CEP152: variants seen among roughly 807,000 people sequenced by gnomAD.
The protein encoded by CEP152 is centrosomal protein of 152 kDa.
In CEP152, 132 loss-of-function variants were observed where a neutral mutation model predicts 188.9. The ratio of observed to expected loss-of-function variants is 0.70; its 90% CI spans 0.61 to 0.81. The LOEUF (loss-of-function observed/expected upper bound fraction) is 0.81, where lower values mean the gene tolerates loss of function less well. Ranked by LOEUF, CEP152 falls within the 30% of genes least tolerant of loss-of-function variation. CEP152 has a pLI of 0.00. For synonymous variants in CEP152, 649 were observed against 666.6 expected (o/e 0.97, Z 0.41); for missense variants, 1,914 against 1,969.8 (o/e 0.97, Z 0.54).
At chr15:48,802,801 T>C (rs940866849) in intron 2 of CEP152, among the ~76,000 whole-genome samples, 3 of 152,106 alleles carry the variant, frequency 2.0e-5, no homozygotes, top group Non-Finnish European at 2.9e-5. Flanking sequence ...AGAATAGAAA[T>C]GGAAAAAGCA....
intron 19 of CEP152, 55 bp from the exon 20 acceptor site, chr15:48,756,608 A>C: frequency 6.5e-7 from 1 of 1,541,588 alleles, no homozygotes; most frequent in Non-Finnish European, 8.8e-7. Flanking sequence ...CCTCCTTCGC[A>C]AAAAAATTAA....
rs1896453808 is a variant in CEP152 at position 48,784,017 on chromosome 15, C to CT, written c.1276dup (p.Ser426LysfsTer55). ...ACACTGCTTTTGACTCTCCTCTAGA[C>CT]TTCTTGTCAACTTATTAATGATCTC... On this transcript the variant is annotated frameshift_variant, in exon 10 of 27. Coordinates refer to ENST00000380950, the MANE Select transcript of CEP152 (RefSeq NM_001194998.2). LOFTEE classifies it high-confidence loss of function. 2 of 1,613,774 alleles carry CT rather than the reference C, an allele frequency of 1.2e-6. No individual in the cohort carries two copies. Among genetic ancestry groups the CT allele is most frequent in the Non-Finnish European group, 1.7e-6 (2 of 1,179,896 alleles).
At chr15:48,796,414 T>C (rs1396408679) in intron 5 of CEP152, among the ~76,000 whole-genome samples, 1 of 152,126 alleles carries the variant, frequency 6.6e-6, no homozygotes, top group Non-Finnish European at 1.5e-5. Context: ...ACCTAAATTC[T>C]ACTTTTGAGC....
rs1898305697 is a variant in CEP152, at chr15:48,811,035, C to CA, written c.-83_-82insT. 6.6e-6 allele frequency: 1 copy of CA among 152,416 alleles called. No individual in the cohort carries two copies. The highest frequency in any genetic ancestry group is 1.5e-5 in the Non-Finnish European group (1 of 68,188). 9.4% of individuals were successfully genotyped at this position (152,416 alleles called of 1,614,324 possible). On this transcript the variant is annotated 5_prime_UTR_variant, in exon 1 of 27. Transcript: ENST00000380950. Reference sequence around the variant, plus strand: ...GACCAACTTCTAGCAGATCCCCTTACCCTGGCTCTAGTCCACTAGCTCCTT... The same window carrying CA: ...GACCAACTTCTAGCAGATCCCCTTACACCTGGCTCTAGTCCACTAGCTCCTT...
intron 11 of CEP152, 36 bp from the exon 12 acceptor site, chr15:48,781,395 T>C (rs201484713): frequency 6.5e-7 from 1 of 1,530,868 alleles, no homozygotes; most frequent in South Asian, 1.1e-5. Context: ...ATTTTCACTA[T>C]TTTCCTATAT....
At chr15:48,742,473 T>C (rs996943646) in intron 24 of CEP152, among the ~76,000 whole-genome samples, 7 of 151,940 alleles carry the variant, frequency 4.6e-5, no homozygotes, top group African/African-American at 1.7e-4. Context: ...AAATAAAATA[T>C]AGAGAAAAGG....
intron 9 of CEP152, among the ~76,000 whole-genome samples, chr15:48,786,511 A>C (rs1168158877): frequency 6.6e-6 from 1 of 152,224 alleles, no homozygotes; most frequent in African/African-American, 2.4e-5. Context: ...TACTAATTAC[A>C]GACATTTTGT....
chr15:48,765,037 GAGA>G (rs1894959855), intron 17 of CEP152, among the ~76,000 whole-genome samples: 1 of 151,432 alleles, frequency 6.6e-6, no homozygotes, highest in South Asian at 2.1e-4. Context: ...TGAAAAATGT[GAGA>G]AGATTAGACA....
chr15:48,795,491 A>G (rs927832400), intron 6 of CEP152, among the ~76,000 whole-genome samples: 5 of 152,206 alleles, frequency 3.3e-5, no homozygotes, highest in African/African-American at 1.2e-4. Flanking sequence ...AAAAATATAT[A>G]AAGTTCATAA....
At position 48,767,148 on chromosome 15, in the gene CEP152, T is replaced by A; in HGVS notation, c.2192A>T (p.Glu731Val). The A allele has an allele frequency of 6.2e-7, 1 of 1,613,846 alleles. No individual in the cohort carries two copies. The highest frequency in any genetic ancestry group is 8.5e-7 in the Non-Finnish European group (1 of 1,180,016). Residue 731 changes from glutamate to valine, a missense_variant, in exon 17 of 27, where the codon GAA becomes GTA. Glu to Val is a moderately radical substitution (Grantham distance 121). Coordinates refer to ENST00000380950, the MANE Select transcript of CEP152 (RefSeq NM_001194998.2). ...CTCTCTGCACACTTCTAGGTAACAT[T>A]CCTGCACAGCAGTCACCTCCTTATT... ...KLNKEVTAVQ[E>V]CYLEVCREKD...
chr15:48,798,760 G>C (rs1897489263), intron 2 of CEP152, among the ~76,000 whole-genome samples: 1 of 152,028 alleles, frequency 6.6e-6, no homozygotes, highest in South Asian at 2.1e-4. Context: ...ATCAGTTTTA[G>C]CATTCTGCTT....
rs1595616088 is a variant in CEP152, at chr15:48,756,428, T to C, written c.2820A>G (p.Leu940=). The change falls in exon 20 of 27, where the codon TTA becomes TTG. Residue 940 remains leucine, a synonymous_variant. Coordinates refer to ENST00000380950, the MANE Select transcript of CEP152 (RefSeq NM_001194998.2). The part of the protein sequence containing the change: ...KIHSLQKELE[L]KNEEVPVVIR... ...TGACCACAGGGACTTCTTCGTTCTT[T>C]AACTCAAGTTCCTTCTGAAGAGAAT... The C allele has an allele frequency of 1.9e-6, 3 of 1,613,758 alleles. No individual in the cohort carries two copies. Among genetic ancestry groups the C allele is most frequent in the Non-Finnish European group, 2.5e-6 (3 of 1,179,838 alleles).
At chr15:48,801,013 A>G (rs1254279012) in intron 2 of CEP152, among the ~76,000 whole-genome samples, 3 of 152,224 alleles carry the variant, frequency 2.0e-5, no homozygotes, top group Non-Finnish European at 4.4e-5. Context: ...AACTAAACAG[A>G]TTATCTTCAG....
intron 12 of CEP152, among the ~76,000 whole-genome samples, chr15:48,777,034 C>T (rs1221468047): frequency 6.6e-6 from 1 of 152,020 alleles, no homozygotes; most frequent in East Asian, 1.9e-4. Flanking sequence ...AGACAAGCTT[C>T]CTACAAAATA....
In CEP152 at chr15:48,738,323, A is replaced by G; in HGVS notation, c.5059T>C (p.Ser1687Pro). The G allele has an allele frequency of 1.2e-6, 2 of 1,614,074 alleles. No individual in the cohort carries two copies. The highest frequency in any genetic ancestry group is 1.7e-6 in the Non-Finnish European group (2 of 1,179,952). The stretch of plus-strand genomic sequence containing the variant: ...GATAGCGGAACAATTAATTTTCTTG[A>G]AGGCTGCTGACACACTGAAGATGGT... ...TLPSSVCQQP[S>P]RKLIVPLSSQ... Residue 1687 changes from serine (S) to proline (P), a missense_variant, in exon 27 of 27, where the codon TCA becomes CCA. Transcript: ENST00000380950.
intron 8 of CEP152, among the ~76,000 whole-genome samples, chr15:48,790,571 AT>A (rs796999257): frequency 4.7e-5 from 7 of 149,968 alleles, no homozygotes; most frequent in Non-Finnish European, 7.4e-5. Flanking sequence ...AGTCACTTTC[AT>A]TTTTTTTTTC....
At chr15:48,762,800 T>G in intron 17 of CEP152, 128 bp from the exon 18 acceptor site, 2 of 911,964 alleles carry the variant, frequency 2.2e-6, no homozygotes, top group Non-Finnish European at 3.3e-6. Context: ...GTAGTAATTA[T>G]AAAAGGTTTA....
chr15:48,806,852 A>G (rs1183086898), intron 1 of CEP152, among the ~76,000 whole-genome samples: 2 of 152,226 alleles, frequency 1.3e-5, no homozygotes, highest in Non-Finnish European at 2.9e-5. Flanking sequence ...ATGACATAAC[A>G]TTAATTTTAG....
chr15:48,769,462 T>C (rs1895375003), intron 13 of CEP152, among the ~76,000 whole-genome samples: 1 of 152,210 alleles, frequency 6.6e-6, no homozygotes, highest in African/African-American at 2.4e-5. Flanking sequence ...TTTTGTGGGA[T>C]GTTCCTCAAT....
Sources: gnomAD v4.1 joint callset for allele counts (sites outside exome capture counted in the v4.1 genomes callset) on GRCh38, gnomAD v4.1.1 for gene constraint, MANE v1.5 for transcripts, NCBI Gene and HGNC (gene_info 2026-07-23, HGNC 2026-07-21) for gene names.